USP14: variants seen among roughly 807,000 people sequenced by gnomAD.
USP14 encodes ubiquitin specific peptidase 14.
In USP14, 38 loss-of-function variants were observed where a neutral mutation model predicts 76.5. The ratio of observed to expected loss-of-function variants is 0.50; its 90% CI spans 0.38 to 0.65. The LOEUF is 0.65. Among genes scored for constraint, USP14 ranks in the 30% least tolerant of loss-of-function variants. The pLI is 0.00. For synonymous variants in USP14, 192 were observed against 191.7 expected (o/e 1.00, Z -0.01); for missense variants, 467 against 586.5 (o/e 0.80, Z 2.10).
At chr18:211,101 C>A (rs1267045607) in intron 15 of USP14, 32 bp from the exon 16 acceptor site, 1 of 1,600,346 alleles carries the variant, frequency 6.2e-7, no homozygotes, top group Non-Finnish European at 8.5e-7. Context: ...TCCTGCATAA[C>A]ATTAATTCAT....
At chr18:185,916 GGT>G (rs887641638) in intron 5 of USP14, among the ~76,000 whole-genome samples, 1 of 149,616 alleles carries the variant, frequency 6.7e-6, no homozygotes, top group Non-Finnish European at 1.5e-5. Context: ...TGCTCAGGCT[GGT>G]TTCAAACTCC....
intron 5 of USP14, among the ~76,000 whole-genome samples, chr18:190,605 C>G (rs1910060218): frequency 6.6e-6 from 1 of 152,036 alleles, no homozygotes; most frequent in South Asian, 2.1e-4. Context: ...TTGAGTTTGT[C>G]TTTTTGATCT....
At chr18:210,522 A>G (rs1378113644) in intron 15 of USP14, 29 bp downstream of exon 15, 1 of 1,471,616 alleles carries the variant, frequency 6.8e-7, no homozygotes, top group Non-Finnish European at 9.3e-7. Flanking sequence ...TCAACTGTTC[A>G]ATATTATTTT....
rs1567839596 is a variant in USP14, at chr18:213,988, TAGATA to T, written c.*2705_*2709del. ...AAGATAGATAGATTAGATAGATAGA[TAGATA>T]GATAGATGATGATTGATTGATGATT... On this transcript the variant is annotated 3_prime_UTR_variant, in exon 16 of 16. Coordinates refer to ENST00000261601, the MANE Select transcript of USP14 (RefSeq NM_005151.4). The T allele has an allele frequency of 2.0e-5, 3 of 150,380 alleles. No individual in the cohort carries two copies. Among genetic ancestry groups the T allele is most frequent in the African/African-American group, 7.3e-5 (3 of 40,906 alleles). The allele number at this position is 150,380 out of a possible 1,614,324, so 9.3% of individuals were successfully genotyped here. A position where few individuals can be genotyped will look rare whatever the true frequency, so the allele number is the denominator to read the frequency against.
chr18:183,182 A>G (rs891001159), intron 5 of USP14, among the ~76,000 whole-genome samples: 3 of 152,268 alleles, frequency 2.0e-5, no homozygotes, highest in Admixed American at 2.0e-4. Flanking sequence ...TTGGAGCAAG[A>G]GTCTAGGTCA....
At chr18:199,547 TA>T (rs201009137) in intron 10 of USP14, among the ~76,000 whole-genome samples, 4 of 151,970 alleles carry the variant, frequency 2.6e-5, no homozygotes, top group African/African-American at 7.3e-5. Flanking sequence ...ACTGTTGTTT[TA>T]AAAAAAAATT....
intron 14 of USP14, 119 bp from the exon 15 acceptor site, chr18:210,267 C>A: frequency 1.3e-6 from 1 of 784,932 alleles, no homozygotes; most frequent in Non-Finnish European, 2.0e-6. Flanking sequence ...ACAGTAGTAT[C>A]TTATTGGATT....
chr18:204,836 A>G lies in USP14; in HGVS notation c.1164+144A>G. On this transcript the variant is annotated intron_variant, in intron 13 of 15. Coordinates refer to ENST00000261601, the MANE Select transcript of USP14 (RefSeq NM_005151.4). ...ATTATTTGGATCAATCTGTATTACA[A>G]TTAGCAGGTATACACATCCTCCATA... The G allele has an allele frequency of 4.7e-6, 4 of 857,280 alleles. No individual in the cohort carries two copies. In the South Asian group the frequency reaches 5.6e-5, roughly 12 times the overall value. 53.1% of individuals were successfully genotyped at this position (857,280 alleles called of 1,614,324 possible). A position where few individuals can be genotyped will look rare whatever the true frequency, so the allele number is the denominator to read the frequency against.
At chr18:188,193 C>T (rs1909985903) in intron 5 of USP14, among the ~76,000 whole-genome samples, 1 of 151,816 alleles carries the variant, frequency 6.6e-6, no homozygotes, top group Non-Finnish European at 1.5e-5. Flanking sequence ...TCTTCTTCCC[C>T]TCAGGTTTGG....
intron 12 of USP14, among the ~76,000 whole-genome samples, chr18:204,234 C>G (rs1910465887): frequency 6.6e-6 from 1 of 150,550 alleles, no homozygotes; most frequent in Non-Finnish European, 1.5e-5. Context: ...TTTGGGAGGT[C>G]CATTATTTTC....
chr18:192,927 T>G, intron 6 of USP14, 27 bp downstream of exon 6: 5 of 1,591,312 alleles, frequency 3.1e-6, no homozygotes, highest in Non-Finnish European at 4.3e-6. Context: ...TACTACTTTT[T>G]GATAGGAGTA....
intron 6 of USP14, among the ~76,000 whole-genome samples, chr18:194,391 A>G (rs1910173647): frequency 6.6e-6 from 1 of 152,154 alleles, no homozygotes; most frequent in Non-Finnish European, 1.5e-5. Context: ...TGCGATGAAA[A>G]ATACTGTTCT....
chr18:181,603 TCTATA>T (rs1909790869), intron 5 of USP14, among the ~76,000 whole-genome samples: 1 of 152,202 alleles, frequency 6.6e-6, no homozygotes, highest in Non-Finnish European at 1.5e-5. Flanking sequence ...AATCTTTTCT[TCTATA>T]CTATAAGCTG....
rs1441219361 is a variant in USP14, at chr18:213,263, A to G, written c.*1979A>G. Reference sequence around the variant, plus strand: ...GTAGCTACTAAATGTTGTAGCTACTAGACCAGGTGAGCTAGGTTTAGAGCA... The same window carrying G: ...GTAGCTACTAAATGTTGTAGCTACTGGACCAGGTGAGCTAGGTTTAGAGCA... On this transcript the variant is annotated 3_prime_UTR_variant, in exon 16 of 16. Transcript: ENST00000261601. 1 of 152,232 alleles carries G rather than the reference A, an allele frequency of 6.6e-6. No homozygotes were observed. Among genetic ancestry groups the G allele is most frequent in the East Asian group, 1.9e-4 (1 of 5,200 alleles). 9.4% of individuals were successfully genotyped at this position (152,232 alleles called of 1,614,324 possible). A position where few individuals can be genotyped will look rare whatever the true frequency, so the allele number is the denominator to read the frequency against.
chr18:198,496 G>A (rs1910302013), intron 9 of USP14, among the ~76,000 whole-genome samples: 1 of 152,022 alleles, frequency 6.6e-6, no homozygotes, highest in African/African-American at 2.4e-5. Context: ...TTGGCCTCCA[G>A]GTGTGAGCCA....
intron 3 of USP14, among the ~76,000 whole-genome samples, chr18:172,187 A>G (rs1036673264): frequency 6.6e-6 from 1 of 152,166 alleles, no homozygotes; most frequent in African/African-American, 2.4e-5. Context: ...ACAGTGAGCT[A>G]TGATTGTGCC....
intron 3 of USP14, among the ~76,000 whole-genome samples, chr18:177,327 TG>T (rs1909653502): frequency 6.7e-6 from 1 of 150,100 alleles, no homozygotes; most frequent in African/African-American, 2.5e-5. Flanking sequence ...GAGGCTGAGA[TG>T]GGGGGATCAC....
chr18:213,058 A>ACTT lies in USP14; in HGVS notation c.*1775_*1777dup, dbSNP rs1284928341. The ACTT allele has an allele frequency of 6.6e-6, 1 of 152,204 alleles. No homozygotes were observed. The highest frequency in any genetic ancestry group is 1.5e-5 in the Non-Finnish European group (1 of 68,036). The allele number at this position is 152,204 out of a possible 1,614,324, so 9.4% of individuals were successfully genotyped here. A position where few individuals can be genotyped will look rare whatever the true frequency, so the allele number is the denominator to read the frequency against. The stretch of plus-strand genomic sequence containing the variant: ...TTTGACTTGGCAATCAATACTTTCT[A>ACTT]CTTTGTGGAGGGGATTAAGAATAGA... On this transcript the variant is annotated 3_prime_UTR_variant, in exon 16 of 16. Transcript: ENST00000261601.
chr18:158,817 C>T (rs1489167993), intron 1 of USP14, 103 bp downstream of exon 1: 12 of 1,269,220 alleles, frequency 9.5e-6, no homozygotes, highest in Non-Finnish European at 8.9e-6. Context: ...CTGGGAGGGG[C>T]CGGGGTGGGG....
Sources: gnomAD v4.1 joint callset for allele counts (sites outside exome capture counted in the v4.1 genomes callset) on GRCh38, gnomAD v4.1.1 for gene constraint, MANE v1.5 for transcripts, NCBI Gene and HGNC (gene_info 2026-07-23, HGNC 2026-07-21) for gene names.